The following CARD9 variants were observed in gnomAD, a reference collection of about 807,000 sequenced individuals.
The protein encoded by CARD9 is caspase recruitment domain family member 9, also known as caspase recruitment domain-containing protein 9.
Under a neutral mutation model 66.0 loss-of-function variants are expected in CARD9, and 53 were observed. The ratio of observed to expected loss-of-function variants is 0.80; its 90% confidence interval spans 0.64 to 1.01. The LOEUF is 1.01. Ranked by LOEUF, CARD9 falls within the 50% of genes least tolerant of loss-of-function variation. The pLI, the probability that CARD9 is intolerant of heterozygous loss-of-function variation, is 0.00. For synonymous variants in CARD9, 387 were observed against 313.8 expected (o/e 1.23, Z -2.47); for missense variants, 769 against 743.2 (o/e 1.03, Z -0.40).
chr9:136,366,680 C>G (rs2131435653), intron 10 of CARD9, 120 bp downstream of exon 10: 1 of 1,068,886 alleles, frequency 9.4e-7, no homozygotes, highest in East Asian at 2.4e-5. Context: ...GTTTCCCTGT[C>G]TGTGGAGTGG....
intron 12 of CARD9, 33 bp from the exon 13 acceptor site, chr9:136,364,434 C>T (rs1266808587): frequency 3.9e-6 from 6 of 1,541,606 alleles, no homozygotes; most frequent in Non-Finnish European, 4.4e-6. Flanking sequence ...CGCGACCCGG[C>T]TGCCGCTCCC....
chr9:136,366,969 G>T, intron 9 of CARD9, 124 bp from the exon 10 acceptor site: 1 of 1,206,182 alleles, frequency 8.3e-7, no homozygotes, highest in Non-Finnish European at 1.2e-6. Context: ...CCTGCACAGA[G>T]CTTCTCAGAG....
chr9:136,367,650 T>C lies in CARD9; in HGVS notation c.1256A>G (p.Glu419Gly), dbSNP rs1388447556. The part of the protein sequence containing the change: ...VEGRLRRQQL[E>G]TLVLSSDLED... ...CCCCAGGCCCACCAGGACGAGCGTC[T>C]CCAGCTGCTGCCGCCTGAGCCTGCC... The change falls in exon 8 of 13, where the codon GAG becomes GGG. Residue 419 changes from glutamate (E) to glycine (G), a missense_variant. Coordinates refer to ENST00000371732, the MANE Select transcript of CARD9 (RefSeq NM_052813.5). The C allele has an allele frequency of 1.3e-6, 2 of 1,590,640 alleles. No homozygotes were observed. The highest frequency in any genetic ancestry group is 2.2e-5 in the South Asian group (2 of 89,128).
At chr9:136,365,294 G>A (rs567278234) in intron 10 of CARD9, 77 bp from the exon 11 acceptor site, 44 of 1,383,054 alleles carry the variant, frequency 3.2e-5, no homozygotes, top group Non-Finnish European at 3.3e-5. Flanking sequence ...ACCCCTCCCC[G>A]GCATTGCAGT....
chr9:136,367,536 G>A, intron 8 of CARD9, 101 bp downstream of exon 8: 1 of 1,393,038 alleles, frequency 7.2e-7, no homozygotes, highest in Non-Finnish European at 9.7e-7. Context: ...GCCCGTCACA[G>A]AGAAGGGTTG....
chr9:136,371,054 G>A lies in CARD9; in HGVS notation c.414C>T (p.Ser138=). ...KKVQDLTALL[S]SKDDFIKELR... Reference sequence around the variant, plus strand: ...GCTCCTTGATGAAGTCATCTTTGGAGCTCAGCAGCGCGGTCAGGTCCTGCA... The same window carrying A: ...GCTCCTTGATGAAGTCATCTTTGGAACTCAGCAGCGCGGTCAGGTCCTGCA... Residue 138 remains serine (S), a synonymous_variant, in exon 4 of 13, where the codon AGC becomes AGT. Transcript: ENST00000371732. 1 of 1,612,554 alleles carries A rather than the reference G, an allele frequency of 6.2e-7. No homozygotes were observed. The highest frequency in any genetic ancestry group is 8.5e-7 in the Non-Finnish European group (1 of 1,179,870).
intron 6 of CARD9, 200 bp downstream of exon 6, chr9:136,370,094 T>C (rs896660969): frequency 1.4e-6 from 2 of 1,392,802 alleles, no homozygotes; most frequent in African/African-American, 2.9e-5. Context: ...TCAGGCACCA[T>C]GAGCCCAGAG....
Position 136,371,895 on chromosome 9 carries a change from C to G in CARD9, c.184G>C (p.Gly62Arg), listed in dbSNP as rs1278536786. ...PNLVIRKRKV[G>R]VLLDILQRTG... The stretch of plus-strand genomic sequence containing the variant: ...CTGGGGCCCGCGGGGCAACACTGAC[C>G]CACTTTCCGTTTGCGGATGACCAGG... Residue 62 changes from glycine to arginine, a missense_variant and splice_region_variant, in exon 2 of 13, where the codon GGT becomes CGT. By Grantham distance (125) the Gly-to-Arg change is moderately radical. Transcript: ENST00000371732. 6.3e-7 allele frequency: 1 copy of G among 1,598,562 alleles called. No individual in the cohort carries two copies. Among genetic ancestry groups the G allele is most frequent in the East Asian group, 2.2e-5 (1 of 44,538 alleles).
rs764189894 is a variant in CARD9, at chr9:136,365,128, G to A, written c.1434+13C>T. On this transcript the variant is annotated intron_variant, in intron 11 of 12. Transcript: ENST00000371732. Reference sequence around the variant, plus strand: ...CCCACGGCTGGGAGGACCCCACCCCGGGGAAGCCTTACATGGGGGTTCCGC... The same window carrying A: ...CCCACGGCTGGGAGGACCCCACCCCAGGGAAGCCTTACATGGGGGTTCCGC... 3.1e-6 allele frequency: 5 copies of A among 1,611,052 alleles called. No homozygotes were observed. The highest frequency in any genetic ancestry group is 3.4e-6 in the Non-Finnish European group (4 of 1,179,146).
intron 10 of CARD9, chr9:136,366,492 G>A (rs1215993106): frequency 4.1e-6 from 2 of 488,478 alleles, no homozygotes; most frequent in Non-Finnish European, 7.5e-6. Context: ...GCCCAGAGGG[G>A]CCCCACACTC....
chr9:136,369,967 G>C lies in CARD9; in HGVS notation c.952-92C>G, dbSNP rs180714639. The C allele has an allele frequency of 3.0e-3, 4,753 of 1,583,712 alleles. 21 individuals carry two copies. Among genetic ancestry groups the C allele is most frequent in the Non-Finnish European group, 3.7e-3 (4,277 of 1,170,552 alleles). The stretch of plus-strand genomic sequence containing the variant: ...CCGGGCAGGGGCTCAGAAGCATGTG[G>C]TCAGGCCAGTTGGGATGTCGGGGGA... On this transcript the variant is annotated intron_variant, in intron 6 of 12. Coordinates refer to ENST00000371732, the MANE Select transcript of CARD9 (RefSeq NM_052813.5).
At chr9:136,372,417 A>G (rs1225984271) in intron 1 of CARD9, among the ~76,000 whole-genome samples, 1 of 152,144 alleles carries the variant, frequency 6.6e-6, no homozygotes, top group Non-Finnish European at 1.5e-5. Context: ...GGTCTGAGAG[A>G]GGAACTCCCC....
At chr9:136,370,470 G>A in intron 5 of CARD9, 33 bp from the exon 6 acceptor site, 1 of 1,606,144 alleles carries the variant, frequency 6.2e-7, no homozygotes, top group Non-Finnish European at 8.5e-7. Flanking sequence ...GCCTGGCTGG[G>A]AAGGCCCCCA....
chr9:136,364,269 G>C lies in CARD9; in HGVS notation c.*33C>G, dbSNP rs1002952433. The C allele has an allele frequency of 1.3e-6, 2 of 1,551,076 alleles. No individual in the cohort carries two copies. Among genetic ancestry groups the C allele is most frequent in the Non-Finnish European group, 1.7e-6 (2 of 1,147,104 alleles). The stretch of plus-strand genomic sequence containing the variant: ...CGGGTGGCAGGAGGCCGGGCCGGTG[G>C]GTGTGCCCTGGTCGGGGCCTGCGCT... On this transcript the variant is annotated 3_prime_UTR_variant, in exon 13 of 13. Transcript: ENST00000371732.
At chr9:136,365,045 C>G in intron 11 of CARD9, 96 bp downstream of exon 11, 1 of 1,235,478 alleles carries the variant, frequency 8.1e-7, no homozygotes, top group Non-Finnish European at 1.2e-6. Flanking sequence ...TCGTCGGGGC[C>G]ACCGCAGGGG....
At chr9:136,372,620 C>T (rs1255917272) in intron 1 of CARD9, among the ~76,000 whole-genome samples, 4 of 152,230 alleles carry the variant, frequency 2.6e-5, no homozygotes, top group South Asian at 2.1e-4. Flanking sequence ...CTGGGGGAGC[C>T]GGTTCTTGTG....
intron 10 of CARD9, chr9:136,366,383 A>C (rs902305203): frequency 4.5e-6 from 1 of 223,594 alleles, no homozygotes; most frequent in African/African-American, 2.3e-5. Context: ...TTCTAGCTTC[A>C]TGCACCTGGT....
chr9:136,369,998 T>C lies in CARD9; in HGVS notation c.952-123A>G, dbSNP rs951178457. Reference sequence around the variant, plus strand: ...CCAGTTGGGATGTCGGGGGAGGCCATAGGAGTCCCCAGGCCCCTACCAGCC... The same window carrying C: ...CCAGTTGGGATGTCGGGGGAGGCCACAGGAGTCCCCAGGCCCCTACCAGCC... On this transcript the variant is annotated intron_variant, in intron 6 of 12. Coordinates refer to ENST00000371732, the MANE Select transcript of CARD9 (RefSeq NM_052813.5). 2.7e-5 allele frequency: 41 copies of C among 1,527,094 alleles called. No individual in the cohort carries two copies. The African/African-American group carries it at 3.4e-4, about 13-fold the overall frequency. 94.6% of individuals were successfully genotyped at this position (1,527,094 alleles called of 1,614,324 possible).
At position 136,371,466 on chromosome 9, in the gene CARD9, G is replaced by A. The variant is rs760533705; in HGVS notation, c.185-5C>T. On this transcript the variant is annotated splice_region_variant and splice_polypyrimidine_tract_variant and intron_variant, in intron 2 of 12. Transcript: ENST00000371732. ...GCAGGATGTCCAGGAGCACACCTGC[G>A]GGCCAGAGAGGCCTAACTGGGGGCG... is the stretch of plus-strand genomic sequence containing the variant. 6 of 1,572,874 alleles carry A rather than the reference G, an allele frequency of 3.8e-6. No individual in the cohort carries two copies. The highest frequency in any genetic ancestry group is 1.7e-4 in the Middle Eastern group (1 of 5,948).
Sources: gnomAD v4.1 joint callset for allele counts (sites outside exome capture counted in the v4.1 genomes callset) on GRCh38, gnomAD v4.1.1 for gene constraint, MANE v1.5 for transcripts, NCBI Gene and HGNC (gene_info 2026-07-23, HGNC 2026-07-21) for gene names.